Variants in ARHGEF12 observed in about 807,000 individuals in gnomAD.
ARHGEF12 encodes KMT2A/ARHGEF12 fusion protein.
ARHGEF12 carries 66 observed loss-of-function variants against 211.2 expected under a neutral mutation model. The observed-to-expected ratio is 0.31, with a 90% CI of 0.26 to 0.38. The LOEUF is 0.38. ARHGEF12 is among the 10% of genes least tolerant of loss of function. ARHGEF12 has a pLI of 1.00. For missense variants in ARHGEF12, 1,429 were observed against 1,869.5 expected, an observed-to-expected ratio of 0.76 and a Z score of 4.34; for synonymous variants, 592 against 638.4, an observed-to-expected ratio of 0.93 and a Z score of 1.09.
At chr11:120,426,794 T>G (rs1459039847) in intron 7 of ARHGEF12, among the ~76,000 whole-genome samples, 1 of 152,208 alleles carries the variant, frequency 6.6e-6, no homozygotes, top group Non-Finnish European at 1.5e-5. Flanking sequence ...GAAATACATT[T>G]AAAAGTTCTA....
chr11:120,472,510 A>G (rs1192494144), intron 30 of ARHGEF12, among the ~76,000 whole-genome samples: 1 of 152,218 alleles, frequency 6.6e-6, no homozygotes, highest in African/African-American at 2.4e-5. Flanking sequence ...ATATAAGCTA[A>G]TAAGAGACCA....
rs560494396 is a variant in ARHGEF12 at position 120,398,320 on chromosome 11, G to A, written c.33-7798G>A. ...TCCCAATTCTGAGATGTTGTAAGAG[G>A]AATGTCAGAATTCCTAAAACACTCA... On this transcript the variant is annotated intron_variant, in intron 1 of 40. Transcript: ENST00000397843. 1.4e-4 allele frequency among the ~76,000 whole-genome samples: 22 copies of A among 152,284 alleles called. No homozygotes were observed. The South Asian group carries it at 4.4e-3, about 30-fold the overall frequency.
intron 4 of ARHGEF12, among the ~76,000 whole-genome samples, chr11:120,416,815 C>A (rs1419257566): frequency 1.3e-5 from 2 of 152,080 alleles, no homozygotes; most frequent in African/African-American, 2.4e-5. Flanking sequence ...CCACGCACAG[C>A]TAGTTTTTGT....
chr11:120,339,189 T>A (rs12270828), intron 1 of ARHGEF12, among the ~76,000 whole-genome samples: 4,297 of 152,118 alleles, frequency 0.028, 213 homozygotes, highest in African/African-American at 0.099. Flanking sequence ...TAATAAGCAC[T>A]GCTGAGACCT....
intron 15 of ARHGEF12, among the ~76,000 whole-genome samples, chr11:120,443,614 C>T (rs1381423641): frequency 6.6e-6 from 1 of 152,110 alleles, no homozygotes. Context: ...AGTGACTTTC[C>T]TAACCAACCT....
chr11:120,347,175 C>CCTTG (rs1491117902), intron 1 of ARHGEF12, among the ~76,000 whole-genome samples: 11 of 62,140 alleles, frequency 1.8e-4, no homozygotes, highest in African/African-American at 5.3e-4. Flanking sequence ...TTCCTTCCTT[C>CCTTG]CTTCCTTCCT....
At chr11:120,481,820 C>A (rs1309754344) in intron 39 of ARHGEF12, among the ~76,000 whole-genome samples, 1 of 147,612 alleles carries the variant, frequency 6.8e-6, no homozygotes, top group Non-Finnish European at 1.5e-5. Context: ...AGTGCAGTGG[C>A]GTGATCTCAG....
chr11:120,399,352 GA>G (rs1944492869), intron 1 of ARHGEF12, among the ~76,000 whole-genome samples: 2 of 69,122 alleles, frequency 2.9e-5, no homozygotes, highest in Admixed American at 1.6e-4. Flanking sequence ...AAAAAAAAAA[GA>G]AAAGAAAGAT....
intron 5 of ARHGEF12, 98 bp from the exon 6 acceptor site, chr11:120,421,705 C>T: frequency 1.8e-6 from 2 of 1,125,158 alleles, no homozygotes; most frequent in Non-Finnish European, 2.7e-6. Flanking sequence ...CAAAGGACAG[C>T]CCATGTTTTT....
At chr11:120,448,778 AT>A (rs1337599266) in intron 20 of ARHGEF12, 4 of 277,456 alleles carry the variant, frequency 1.4e-5, no homozygotes, top group Non-Finnish European at 2.7e-5. Context: ...TTATTATTGT[AT>A]TTTCAACTGT....
At chr11:120,427,078 A>G (rs1380772709) in intron 7 of ARHGEF12, among the ~76,000 whole-genome samples, 1 of 151,772 alleles carries the variant, frequency 6.6e-6, no homozygotes, top group African/African-American at 2.4e-5. Flanking sequence ...GGGTTTCACC[A>G]TGTTAGCAAG....
intron 36 of ARHGEF12, 87 bp downstream of exon 36, chr11:120,477,613 C>G: frequency 7.6e-7 from 1 of 1,311,226 alleles, no homozygotes; most frequent in Non-Finnish European, 1.1e-6. Context: ...GCCTGTAATC[C>G]CAGTGCTTTG....
chr11:120,471,291 A>G (rs908599046), intron 30 of ARHGEF12, among the ~76,000 whole-genome samples: 10 of 152,214 alleles, frequency 6.6e-5, no homozygotes, highest in African/African-American at 2.4e-4. Flanking sequence ...AAAGGAATGT[A>G]CCACTAAGGC....
intron 1 of ARHGEF12, among the ~76,000 whole-genome samples, chr11:120,385,085 G>A (rs1339828051): frequency 1.3e-5 from 2 of 151,880 alleles, no homozygotes; most frequent in Non-Finnish European, 2.9e-5. Context: ...TTTTTTGCAA[G>A]TATTTTTAAT....
rs761892831 is a variant in ARHGEF12 at position 120,447,104 on chromosome 11, T to C, written c.1589+19T>C. 30 of 1,612,088 alleles carry C rather than the reference T, an allele frequency of 1.9e-5. No homozygotes were observed. The highest frequency in any genetic ancestry group is 2.5e-5 in the Non-Finnish European group (30 of 1,178,966). On this transcript the variant is annotated intron_variant, in intron 18 of 40. Coordinates refer to ENST00000397843, the MANE Select transcript of ARHGEF12 (RefSeq NM_015313.3). ...AAGTATTGTAAGTAATAGAAGTATA[T>C]GTGGAAATGCCCTCTCTGCTGAGAT... is the stretch of plus-strand genomic sequence containing the variant.
At chr11:120,440,072 T>G in intron 12 of ARHGEF12, 57 bp from the exon 13 acceptor site, 3 of 1,275,426 alleles carry the variant, frequency 2.4e-6, no homozygotes, top group Non-Finnish European at 3.4e-6. Flanking sequence ...GCTTTATTCT[T>G]TTTCTAAATT....
At chr11:120,396,303 G>A (rs183705487) in intron 1 of ARHGEF12, among the ~76,000 whole-genome samples, 31 of 152,240 alleles carry the variant, frequency 2.0e-4, no homozygotes, top group Non-Finnish European at 3.7e-4. Context: ...AATAGTATAC[G>A]TAGATTCCTA....
rs753986736 is a variant in ARHGEF12 at position 120,437,341 on chromosome 11, C to T, written c.958C>T (p.Leu320=). ...PKSGPKERIY[L]EENPEKSETI... ...GAGTGGCCCAAAAGAGAGAATTTAT[C>T]TAGAGGAAAACCCAGAGAAAAGTGA... The change falls in exon 12 of 41, where the codon CTA becomes TTA. Residue 320 remains leucine (L), a synonymous_variant. Coordinates refer to ENST00000397843, the MANE Select transcript of ARHGEF12 (RefSeq NM_015313.3). 1.2e-6 allele frequency: 2 copies of T among 1,612,392 alleles called. No individual in the cohort carries two copies. The highest frequency in any genetic ancestry group is 1.3e-5 in the African/African-American group (1 of 74,674).
intron 34 of ARHGEF12, 99 bp from the exon 35 acceptor site, chr11:120,477,116 TGTTG>T (rs1355207251): frequency 2.2e-5 from 16 of 739,140 alleles, no homozygotes; most frequent in East Asian, 5.4e-5. Flanking sequence ...TTGTTGTTGT[TGTTG>T]GTTGATTTGG....
Sources: allele counts gnomAD v4.1 joint callset (sites outside exome capture counted in the v4.1 genomes callset), GRCh38; gene constraint gnomAD v4.1.1; transcripts MANE v1.5; gene names NCBI Gene and HGNC (gene_info 2026-07-23, HGNC 2026-07-21).